RPH3A: variants seen among roughly 807,000 people sequenced by gnomAD.
The protein encoded by RPH3A is rabphilin 3A.
In RPH3A, 48 loss-of-function variants were observed where a neutral mutation model predicts 102.2. That is an observed-to-expected ratio of 0.47 (90% confidence interval 0.37 to 0.60). RPH3A has a LOEUF of 0.60. Ranked by LOEUF, RPH3A falls within the 20% of genes least tolerant of loss-of-function variation. RPH3A has a pLI of 0.00. For synonymous variants in RPH3A, 310 were observed against 324.3 expected, an observed-to-expected ratio of 0.96 and a Z score of 0.47; for missense variants, 781 against 910.1, an observed-to-expected ratio of 0.86 and a Z score of 1.83.
At chr12:112,605,355 G>T (rs1285893583) in intron 1 of RPH3A, among the ~76,000 whole-genome samples, 1 of 151,970 alleles carries the variant, frequency 6.6e-6, no homozygotes, top group Non-Finnish European at 1.5e-5. Context: ...ATCCTGGTTG[G>T]CAGAGCAAGA....
intron 1 of RPH3A, among the ~76,000 whole-genome samples, chr12:112,786,645 A>G (rs888503688): frequency 1.1e-4 from 17 of 152,184 alleles, no homozygotes; most frequent in African/African-American, 4.1e-4. Context: ...TTTCTCTTGT[A>G]GGGCACACAC....
intron 13 of RPH3A, among the ~76,000 whole-genome samples, chr12:112,878,205 G>A (rs2042841728): frequency 6.6e-6 from 1 of 152,166 alleles, no homozygotes; most frequent in Admixed American, 6.5e-5. Context: ...AAAATGCCCT[G>A]TCTATGCACC....
intron 6 of RPH3A, among the ~76,000 whole-genome samples, chr12:112,866,483 CAG>C (rs2042613329): frequency 1.3e-5 from 2 of 152,072 alleles, no homozygotes; most frequent in African/African-American, 4.8e-5. Context: ...AAAAGTATGT[CAG>C]TGATCTCCCC....
At chr12:112,760,820 G>A (rs993980547) in intron 1 of RPH3A, among the ~76,000 whole-genome samples, 3 of 152,128 alleles carry the variant, frequency 2.0e-5, no homozygotes, top group African/African-American at 4.8e-5. Flanking sequence ...AATCAGTCAC[G>A]GCTCTCTGCA....
At chr12:112,676,774 A>C (rs2040178087) in intron 1 of RPH3A, among the ~76,000 whole-genome samples, 2 of 152,184 alleles carry the variant, frequency 1.3e-5, no homozygotes, top group African/African-American at 4.8e-5. Flanking sequence ...ACAGCTGGAA[A>C]AATGCCTTGC....
intron 1 of RPH3A, among the ~76,000 whole-genome samples, chr12:112,628,336 G>A (rs1418027720): frequency 6.6e-6 from 1 of 151,922 alleles, no homozygotes. Context: ...TAATTTGCTT[G>A]GTGGTGGAGC....
intron 2 of RPH3A, among the ~76,000 whole-genome samples, chr12:112,800,690 G>C (rs2041326916): frequency 6.6e-6 from 1 of 152,160 alleles, no homozygotes; most frequent in Non-Finnish European, 1.5e-5. Flanking sequence ...TTCTGCGGGA[G>C]TGCAGACGGG....
chr12:112,577,524 G>A (rs2039368474), intron 1 of RPH3A, among the ~76,000 whole-genome samples: 2 of 152,156 alleles, frequency 1.3e-5, no homozygotes, highest in Admixed American at 1.3e-4. Flanking sequence ...TTTACCATAT[G>A]CTGTTTCATC....
intron 1 of RPH3A, among the ~76,000 whole-genome samples, chr12:112,664,141 G>A (rs999164053): frequency 4.6e-5 from 7 of 152,138 alleles, no homozygotes; most frequent in South Asian, 2.1e-4. Context: ...AGGGAAGAAC[G>A]TGTGCAAAAC....
chr12:112,822,021 G>A (rs2041789916), intron 2 of RPH3A, among the ~76,000 whole-genome samples: 1 of 150,908 alleles, frequency 6.6e-6, no homozygotes, highest in Non-Finnish European at 1.5e-5. Context: ...TTTTCAGCCT[G>A]GATTCTGTTC....
At chr12:112,862,247 A>C (rs1242299571) in intron 5 of RPH3A, among the ~76,000 whole-genome samples, 2 of 149,046 alleles carry the variant, frequency 1.3e-5, no homozygotes, top group Non-Finnish European at 3.0e-5. Context: ...CCCCCCCCCA[A>C]AAAAAAAGTT....
chr12:112,613,754 G>A (rs2039656647), intron 1 of RPH3A, among the ~76,000 whole-genome samples: 1 of 152,100 alleles, frequency 6.6e-6, no homozygotes, highest in South Asian at 2.1e-4. Context: ...TCAAGACCAG[G>A]CTGGACAACA....
intron 4 of RPH3A, among the ~76,000 whole-genome samples, chr12:112,846,760 A>G (rs2136188078): frequency 6.6e-6 from 1 of 152,274 alleles, no homozygotes; most frequent in Non-Finnish European, 1.5e-5. Flanking sequence ...GTCATGGACC[A>G]TGGTGTTAGT....
intron 5 of RPH3A, among the ~76,000 whole-genome samples, chr12:112,851,328 G>A (rs1441938863): frequency 6.6e-6 from 1 of 152,172 alleles, no homozygotes; most frequent in Non-Finnish European, 1.5e-5. Flanking sequence ...AAATGTCTGA[G>A]ATGTTTTTCC....
intron 1 of RPH3A, among the ~76,000 whole-genome samples, chr12:112,731,522 T>G (rs372047297): frequency 3.6e-4 from 55 of 152,350 alleles, no homozygotes; most frequent in African/African-American, 1.3e-3. Context: ...TGTGAATGCC[T>G]TTGGGAGACT....
At chr12:112,671,661 C>A (rs1376658067) in intron 1 of RPH3A, among the ~76,000 whole-genome samples, 1 of 152,018 alleles carries the variant, frequency 6.6e-6, no homozygotes, top group African/African-American at 2.4e-5. Flanking sequence ...TGTAATTTCC[C>A]CAGGCAGACC....
intron 1 of RPH3A, among the ~76,000 whole-genome samples, chr12:112,776,297 C>A (rs1305083634): frequency 6.6e-6 from 1 of 152,084 alleles, no homozygotes; most frequent in Non-Finnish European, 1.5e-5. Context: ...TGTAAGAAAC[C>A]ACTACAAAAA....
At chr12:112,874,449 T>C (rs1211182271) in intron 10 of RPH3A, among the ~76,000 whole-genome samples, 4 of 152,196 alleles carry the variant, frequency 2.6e-5, no homozygotes, top group Non-Finnish European at 5.9e-5. Flanking sequence ...GAAGTTCTTA[T>C]ATGTAAAGTC....
At chr12:112,810,396 A>G (rs2041550040) in intron 2 of RPH3A, among the ~76,000 whole-genome samples, 1 of 152,174 alleles carries the variant, frequency 6.6e-6, no homozygotes, top group African/African-American at 2.4e-5. Context: ...TGCTCTGCGG[A>G]TGCCGGAGAT....
Sources: allele counts gnomAD v4.1 joint callset (sites outside exome capture counted in the v4.1 genomes callset), GRCh38; gene constraint gnomAD v4.1.1; transcripts MANE v1.5; gene names NCBI Gene and HGNC (gene_info 2026-07-23, HGNC 2026-07-21).